Variants in CATSPERE observed in about 807,000 individuals in gnomAD.
CATSPERE encodes cation channel sperm-associated auxiliary subunit epsilon.
CATSPERE carries 93 observed loss-of-function variants against 114.1 expected under a neutral mutation model. The ratio of observed to expected loss-of-function variants is 0.81; its 90% CI spans 0.69 to 0.97. The LOEUF is 0.97. CATSPERE is among the 50% of genes least tolerant of loss of function. CATSPERE has a pLI of 0.00. For missense variants in CATSPERE, 1,058 were observed against 1,131.6 expected (o/e 0.93, Z 0.93); for synonymous variants, 341 against 384.1 (o/e 0.89, Z 1.31).
At position 244,485,710 on chromosome 1, in the gene CATSPERE, T is replaced by C. The variant is rs573719419; in HGVS notation, c.327-4737T>C. On this transcript the variant is annotated intron_variant, in intron 5 of 21. Transcript: ENST00000366534. ...TAAATTTTGTTTTTTTTGTTTTTTT[T>C]TTTTTGAGATAGGATCTTGTCCTGT... 4.6e-5 allele frequency among the ~76,000 whole-genome samples: 7 copies of C among 151,766 alleles called. No individual in the cohort carries two copies. The South Asian group carries it at 1.0e-3, about 23-fold the overall frequency.
At chr1:244,472,572 C>T (rs928081400) in intron 2 of CATSPERE, among the ~76,000 whole-genome samples, 1 of 152,136 alleles carries the variant, frequency 6.6e-6, no homozygotes, top group African/African-American at 2.4e-5. Flanking sequence ...CTATTACTGA[C>T]ATCTTGCATT....
At chr1:244,589,556 C>T (rs1166375695) in intron 14 of CATSPERE, among the ~76,000 whole-genome samples, 1 of 152,134 alleles carries the variant, frequency 6.6e-6, no homozygotes, top group Non-Finnish European at 1.5e-5. Context: ...ACTGGCATCA[C>T]CTGAGAACTT....
intron 15 of CATSPERE, among the ~76,000 whole-genome samples, chr1:244,591,967 T>G (rs1241600131): frequency 6.6e-6 from 1 of 152,244 alleles, no homozygotes; most frequent in Non-Finnish European, 1.5e-5. Context: ...CTCATTTACA[T>G]ATATGTAGTC....
chr1:244,552,524 G>A lies in CATSPERE; in HGVS notation c.739G>A (p.Val247Ile). The A allele has an allele frequency of 6.2e-7, 1 of 1,614,184 alleles. No homozygotes were observed. Among genetic ancestry groups the A allele is most frequent in the Non-Finnish European group, 8.5e-7 (1 of 1,180,030 alleles). ...SQLMASWDAC[V>I]VASAVLVTDM... ...ATTAATGGCTTCCTGGGATGCTTGT[G>A]TAGTTGCATCTGCTGTTTTGGTGAC... The change falls in exon 9 of 22, where the codon GTA (valine) becomes ATA (isoleucine). Residue 247 changes from valine (V) to isoleucine (I), a missense_variant. This residue lies in a region of CATSPERE where 787 missense variants were observed against 905.6 expected (regional missense o/e 0.87). Coordinates refer to ENST00000366534, the MANE Select transcript of CATSPERE (RefSeq NM_001130957.2).
At chr1:244,511,963 G>C (rs1675837527) in intron 7 of CATSPERE, among the ~76,000 whole-genome samples, 1 of 152,154 alleles carries the variant, frequency 6.6e-6, no homozygotes, top group African/African-American at 2.4e-5. Context: ...GCTGATTTTA[G>C]AATTCTCTTT....
At chr1:244,589,050 T>A (rs1234840385) in intron 14 of CATSPERE, among the ~76,000 whole-genome samples, 1 of 152,220 alleles carries the variant, frequency 6.6e-6, no homozygotes, top group East Asian at 1.9e-4. Flanking sequence ...GTGAATTTTG[T>A]CGGTTCTACT....
At chr1:244,501,361 C>G (rs150111830) in intron 7 of CATSPERE, among the ~76,000 whole-genome samples, 79 of 152,156 alleles carry the variant, frequency 5.2e-4, no homozygotes, top group African/African-American at 1.8e-3. Flanking sequence ...TTTTTTGTTA[C>G]AAATTTACCT....
intron 7 of CATSPERE, among the ~76,000 whole-genome samples, chr1:244,513,264 G>T (rs1676057730): frequency 6.6e-6 from 1 of 152,064 alleles, no homozygotes; most frequent in Admixed American, 6.5e-5. Context: ...GTGGCACACA[G>T]ATGTGGGTGC....
At chr1:244,471,789 A>T (rs1208835656) in intron 2 of CATSPERE, among the ~76,000 whole-genome samples, 1 of 152,136 alleles carries the variant, frequency 6.6e-6, no homozygotes, top group African/African-American at 2.4e-5. Context: ...GTTGATGGCC[A>T]TTTGGGTTAT....
chr1:244,469,604 C>G (rs577975900), intron 2 of CATSPERE, among the ~76,000 whole-genome samples: 2 of 152,168 alleles, frequency 1.3e-5, no homozygotes, highest in African/African-American at 2.4e-5. Context: ...TATTTGCAGA[C>G]GACATGATCC....
At chr1:244,490,884 TG>T (rs1672000359) in intron 6 of CATSPERE, among the ~76,000 whole-genome samples, 1 of 152,114 alleles carries the variant, frequency 6.6e-6, no homozygotes, top group African/African-American at 2.4e-5. Context: ...ACCATAGTCT[TG>T]AAAAAAAATT....
intron 20 of CATSPERE, among the ~76,000 whole-genome samples, chr1:244,631,446 T>C (rs573394425): frequency 2.0e-5 from 3 of 152,308 alleles, no homozygotes; most frequent in East Asian, 1.9e-4. Context: ...AAATAAATCA[T>C]TGAAAAGCTG....
At chr1:244,565,600 C>T (rs1663321813) in intron 10 of CATSPERE, among the ~76,000 whole-genome samples, 1 of 152,026 alleles carries the variant, frequency 6.6e-6, no homozygotes, top group Non-Finnish European at 1.5e-5. Context: ...TCCCCTTTAT[C>T]TTTTTTTATT....
intron 2 of CATSPERE, among the ~76,000 whole-genome samples, chr1:244,474,604 T>C (rs539183847): frequency 6.6e-6 from 1 of 152,162 alleles, no homozygotes; most frequent in African/African-American, 2.4e-5. Flanking sequence ...ATTGCTCTGT[T>C]CCAAACATTT....
At position 244,568,175 on chromosome 1, in the gene CATSPERE, G is replaced by T. The variant is rs193183288; in HGVS notation, c.1508-4155G>T. Among the ~76,000 whole-genome samples the T allele has an allele frequency of 5.3e-4, 81 of 152,306 alleles. 1 individual carries two copies. The highest frequency in any genetic ancestry group is 1.8e-3 in the African/African-American group (74 of 41,566). On this transcript the variant is annotated intron_variant, in intron 10 of 21. Transcript: ENST00000366534. This position sits in a 1 kb window ranked among gnomAD's most constrained non-coding sequence, Gnocchi z 4.4. The stretch of plus-strand genomic sequence containing the variant: ...TGCCTGGGTATCACCAGCAGAGACT[G>T]CAGAACAGCAAAGATTGCTGCCTGT...
chr1:244,625,214 C>CA (rs1006244511), intron 20 of CATSPERE, among the ~76,000 whole-genome samples: 2 of 151,156 alleles, frequency 1.3e-5, no homozygotes, highest in Non-Finnish European at 2.9e-5. Context: ...GTCAAACTTA[C>CA]TCATTGATCG....
At position 244,518,715 on chromosome 1, in the gene CATSPERE, A is replaced by T. The variant is rs763034099; in HGVS notation, c.536+17A>T. On this transcript the variant is annotated intron_variant, in intron 8 of 21. Transcript: ENST00000366534. ...GAGAAGGGGGTATTTAATTTTTTTT[A>T]ATTTTAAATATAGAAATATGAAAAC... 1 of 1,264,630 alleles carries T rather than the reference A, an allele frequency of 7.9e-7. No individual in the cohort carries two copies. The allele number at this position is 1,264,630 out of a possible 1,614,324, so 78.3% of individuals were successfully genotyped here. A position where few individuals can be genotyped will look rare whatever the true frequency, so the allele number is the denominator to read the frequency against.
At chr1:244,528,105 T>C (rs3003262) in intron 8 of CATSPERE, among the ~76,000 whole-genome samples, 19,580 of 152,156 alleles carry the variant, frequency 0.13, 2,192 homozygotes, top group African/African-American at 0.3. Flanking sequence ...TGCTCTCCCT[T>C]TCCCCATTCC....
At chr1:244,530,702 T>C (rs3003253) in intron 8 of CATSPERE, among the ~76,000 whole-genome samples, 19,557 of 152,122 alleles carry the variant, frequency 0.13, 2,183 homozygotes, top group African/African-American at 0.3. Context: ...GCATCAATAT[T>C]TTATAGTTTT....
Sources: gnomAD v4.1 joint callset for allele counts (sites outside exome capture counted in the v4.1 genomes callset) on GRCh38, gnomAD v4.1.1 for gene constraint, gnomAD v4.1.1 regional missense constraint, Gnocchi (gnomAD v3.1) non-coding constraint, MANE v1.5 for transcripts, NCBI Gene and HGNC (gene_info 2026-07-23, HGNC 2026-07-21) for gene names.